Variants in TRIO observed in about 807,000 individuals in gnomAD.
TRIO encodes trio Rho guanine nucleotide exchange factor.
In TRIO, 58 loss-of-function variants were observed where a neutral mutation model predicts 351.9. That is an observed-to-expected ratio of 0.16 (90% confidence interval 0.13 to 0.21). The LOEUF (loss-of-function observed/expected upper bound fraction) is 0.21. Ranked by LOEUF, TRIO falls within the 10% of genes least tolerant of loss-of-function variation. The probability of loss-of-function intolerance (pLI) is 1.00; values close to 1 mark genes in which losing one functional copy is unlikely to be tolerated. For missense variants in TRIO, 3,201 were observed against 4,027.8 expected (o/e 0.79, Z 5.56); for synonymous variants, 1,758 against 1,595.7 (o/e 1.10, Z -2.42).
intron 1 of TRIO, among the ~76,000 whole-genome samples, chr5:14,236,720 A>G (rs1042970928): frequency 1.3e-5 from 2 of 152,236 alleles, no homozygotes; most frequent in Non-Finnish European, 2.9e-5. Context: ...AGTATAATTC[A>G]TATAGCATAC....
At chr5:14,458,190 T>C (rs1753510390) in intron 34 of TRIO, among the ~76,000 whole-genome samples, 1 of 152,186 alleles carries the variant, frequency 6.6e-6, no homozygotes, top group African/African-American at 2.4e-5. Context: ...TGTGAATCTA[T>C]GTCAAACAAA....
chr5:14,294,000 A>G (rs1257923110), intron 6 of TRIO, among the ~76,000 whole-genome samples: 1 of 91,920 alleles, frequency 1.1e-5, no homozygotes, highest in African/African-American at 3.9e-5. Flanking sequence ...ACACAGCAAG[A>G]CCCCATCTCT....
intron 49 of TRIO, 61 bp from the exon 50 acceptor site, chr5:14,496,818 C>T: frequency 6.3e-7 from 1 of 1,590,028 alleles, no homozygotes; most frequent in Admixed American, 1.7e-5. Context: ...TTAACGCTTC[C>T]AGGCAGCACT....
chr5:14,473,562 A>G (rs1247900047), intron 39 of TRIO, among the ~76,000 whole-genome samples: 1 of 152,248 alleles, frequency 6.6e-6, no homozygotes, highest in Non-Finnish European at 1.5e-5. Flanking sequence ...TCAGTTTATA[A>G]AAAGAATATT....
chr5:14,488,450 T>C, intron 48 of TRIO, 190 bp downstream of exon 48: 1 of 776,990 alleles, frequency 1.3e-6, no homozygotes, highest in Non-Finnish European at 2.0e-6. Context: ...CCTTGCTTTG[T>C]TCGTGTCTTC....
At position 14,461,012 on chromosome 5, in the gene TRIO, C is replaced by G. The variant is rs1300118663; in HGVS notation, c.5204-7C>G. On this transcript the variant is annotated splice_polypyrimidine_tract_variant and splice_region_variant and intron_variant, in intron 34 of 56. Coordinates refer to ENST00000344204, the MANE Select transcript of TRIO (RefSeq NM_007118.4). ...TCAGTGATACTCCCTCTCTTTCTCC[C>G]TGGCAGACTCGCTCTCCGTCTCCAG... 6.4e-7 allele frequency: 1 copy of G among 1,556,446 alleles called. No homozygotes were observed. The highest frequency in any genetic ancestry group is 1.2e-5 in the South Asian group (1 of 82,722).
intron 31 of TRIO, among the ~76,000 whole-genome samples, chr5:14,403,320 T>C (rs1335934476): frequency 9.9e-6 from 1 of 100,704 alleles, no homozygotes; most frequent in Non-Finnish European, 1.9e-5. Flanking sequence ...GTTGTGGTGG[T>C]GAGGGTGTAG....
intron 1 of TRIO, among the ~76,000 whole-genome samples, chr5:14,269,169 C>T (rs535248455): frequency 6.6e-6 from 1 of 152,230 alleles, no homozygotes; most frequent in Admixed American, 6.5e-5. Context: ...GGTCCTCAGC[C>T]GGATGTGTTT....
In TRIO at chr5:14,387,622, C is replaced by A; in HGVS notation, c.3755C>A (p.Ser1252Tyr). Residue 1252 changes from serine (S) to tyrosine (Y), a missense_variant, in exon 22 of 57, where the codon TCC becomes TAC. By Grantham distance (144) the Ser-to-Tyr change is moderately radical (BLOSUM62 -2). Transcript: ENST00000344204. ...LEKALGISSD[S>Y]NKSSKSLQLD... is the part of the protein sequence containing the mutation. ...AAAGCCCTGGGGATTTCTTCAGATTCCAACAAATCGGTAAATGGCCTTGTG... is the reference window on the plus strand; with the variant it reads ...AAAGCCCTGGGGATTTCTTCAGATTACAACAAATCGGTAAATGGCCTTGTG... 1 of 1,611,052 alleles carries A rather than the reference C, an allele frequency of 6.2e-7. No homozygotes were observed. The highest frequency in any genetic ancestry group is 2.2e-5 in the East Asian group (1 of 44,808).
chr5:14,277,639 G>C (rs554955944), intron 2 of TRIO, among the ~76,000 whole-genome samples: 1 of 152,102 alleles, frequency 6.6e-6, no homozygotes, highest in East Asian at 1.9e-4. Flanking sequence ...TACTAGTTTC[G>C]GAACAGGAAC....
intron 8 of TRIO, among the ~76,000 whole-genome samples, chr5:14,312,602 T>G (rs1266443323): frequency 1.3e-5 from 2 of 152,222 alleles, no homozygotes; most frequent in Non-Finnish European, 2.9e-5. Context: ...TGATTTTCTT[T>G]TTGCAGCTGT....
At chr5:14,292,874 T>A in intron 5 of TRIO, 138 bp from the exon 6 acceptor site, 4 of 1,234,132 alleles carry the variant, frequency 3.2e-6, no homozygotes, top group Non-Finnish European at 4.5e-6. Context: ...AAGTAAAGAC[T>A]CTTCTGAGAG....
chr5:14,291,788 T>TAAAAAAAAAAAAAAAAAAA (rs57424190), intron 5 of TRIO, among the ~76,000 whole-genome samples: 2 of 100,958 alleles, frequency 2.0e-5, no homozygotes, highest in South Asian at 3.7e-4. Flanking sequence ...GACTCCGTCT[T>TAAAAAAAAAAAAAAAAAAA]AAAAAAAAAA....
chr5:14,156,553 A>G (rs1453602149), intron 1 of TRIO, among the ~76,000 whole-genome samples: 1 of 152,206 alleles, frequency 6.6e-6, no homozygotes, highest in African/African-American at 2.4e-5. Flanking sequence ...ATACAGTACC[A>G]CAGGGTGCAT....
At chr5:14,358,151 G>T in intron 11 of TRIO, 27 bp from the exon 12 acceptor site, 2 of 1,601,546 alleles carry the variant, frequency 1.2e-6, no homozygotes, top group Non-Finnish European at 1.7e-6. Context: ...AGGCCGGCCG[G>T]CCTCACCCCC....
At chr5:14,466,105 T>G in intron 37 of TRIO, 1 of 174,486 alleles carries the variant, frequency 5.7e-6, no homozygotes, top group Non-Finnish European at 1.3e-5. Flanking sequence ...ACTGTCACAT[T>G]GCTAGCATAG....
chr5:14,297,197 G>A lies in TRIO; in HGVS notation c.1302G>A (p.Ala434=), dbSNP rs775480774. The A allele has an allele frequency of 2.4e-5, 38 of 1,614,072 alleles. No homozygotes were observed. The highest frequency in any genetic ancestry group is 2.8e-5 in the Non-Finnish European group (33 of 1,180,050). ...SQLEQEWKAF[A]AALDERSTLL... is the part of the protein sequence containing the mutation. ...TGGAGCAGGAGTGGAAGGCGTTTGC[G>A]GCAGCCCTGGATGAGCGGAGCACCT... The change falls in exon 7 of 57, where the codon GCG becomes GCA. Residue 434 remains alanine (A), a synonymous_variant. Coordinates refer to ENST00000344204, the MANE Select transcript of TRIO (RefSeq NM_007118.4).
chr5:14,365,725 C>T (rs577725960), intron 15 of TRIO, among the ~76,000 whole-genome samples: 2 of 152,290 alleles, frequency 1.3e-5, no homozygotes, highest in East Asian at 1.9e-4. Flanking sequence ...AGGTGTTTTC[C>T]GCATGTGACA....
chr5:14,461,037 G>A lies in TRIO; in HGVS notation c.5222G>A (p.Ser1741Asn), dbSNP rs1251663747. 6.3e-7 allele frequency: 1 copy of A among 1,578,572 alleles called. No individual in the cohort carries two copies. The highest frequency in any genetic ancestry group is 2.3e-5 in the East Asian group (1 of 42,918). Residue 1741 changes from serine (S) to asparagine (N), a missense_variant, in exon 35 of 57, where the codon AGC becomes AAC. Around this residue, in one of 19 missense-constraint regions of TRIO, gnomAD observed 193 missense variants for 218.8 expected, o/e 0.88. Transcript: ENST00000344204. ...CTGGCAGACTCGCTCTCCGTCTCCAGCAATGACGCCAGTCCACCCGCATCC... is the reference window on the plus strand; with the variant it reads ...CTGGCAGACTCGCTCTCCGTCTCCAACAATGACGCCAGTCCACCCGCATCC... ...FNHKDSLSVSSNDASPPASVA... is the reference protein window; with the variant it reads ...FNHKDSLSVSNNDASPPASVA...
Sources: allele counts gnomAD v4.1 joint callset (sites outside exome capture counted in the v4.1 genomes callset), GRCh38; gene constraint gnomAD v4.1.1; regional missense constraint gnomAD v4.1.1; transcripts MANE v1.5; gene names NCBI Gene and HGNC (gene_info 2026-07-23, HGNC 2026-07-21).